LMAN2L: variants seen among roughly 807,000 people sequenced by gnomAD.
LMAN2L encodes lectin, mannose binding 2 like.
In LMAN2L, 30 loss-of-function variants were observed where a neutral mutation model predicts 44.3. The ratio of observed to expected loss-of-function variants is 0.68; its 90% CI spans 0.51 to 0.92. The LOEUF (loss-of-function observed/expected upper bound fraction) is 0.92, where lower values mean the gene tolerates loss of function less well. Ranked by LOEUF, LMAN2L falls within the 40% of genes least tolerant of loss-of-function variation. LMAN2L has a pLI of 0.00. For missense variants in LMAN2L, 429 were observed against 446.1 expected (o/e 0.96, Z 0.35); for synonymous variants, 183 against 171.1 (o/e 1.07, Z -0.54).
At chr2:96,728,921 T>C (rs1391987954) in intron 4 of LMAN2L, among the ~76,000 whole-genome samples, 3 of 151,114 alleles carry the variant, frequency 2.0e-5, no homozygotes, top group South Asian at 2.1e-4. Flanking sequence ...CCCTGTAATC[T>C]CAGCATTTTG....
intron 4 of LMAN2L, among the ~76,000 whole-genome samples, chr2:96,727,989 C>A (rs2153331330): frequency 6.6e-6 from 1 of 152,328 alleles, no homozygotes; most frequent in East Asian, 1.9e-4. Context: ...ATAATACTAT[C>A]ATCTACCCCA....
chr2:96,737,662 G>A (rs957904100), intron 2 of LMAN2L, among the ~76,000 whole-genome samples: 5 of 152,136 alleles, frequency 3.3e-5, no homozygotes, highest in Admixed American at 6.6e-5. Flanking sequence ...TTAAGCAGGA[G>A]TTAAGTTATT....
intron 2 of LMAN2L, among the ~76,000 whole-genome samples, chr2:96,737,429 T>G (rs1370174657): frequency 6.6e-6 from 1 of 152,198 alleles, no homozygotes; most frequent in East Asian, 1.9e-4. Context: ...GCAGGAGGAT[T>G]GTTTGAGACC....
intron 4 of LMAN2L, among the ~76,000 whole-genome samples, chr2:96,721,739 C>T (rs1158451488): frequency 6.6e-6 from 1 of 152,072 alleles, no homozygotes; most frequent in African/African-American, 2.4e-5. Context: ...CTTGGCCTCC[C>T]AAAGTGTTGG....
At chr2:96,725,180 G>T (rs2078243729) in intron 4 of LMAN2L, among the ~76,000 whole-genome samples, 1 of 151,930 alleles carries the variant, frequency 6.6e-6, no homozygotes, top group African/African-American at 2.4e-5. Flanking sequence ...GGATGGTCTT[G>T]ATCTCCTGAC....
At chr2:96,733,809 G>A (rs2078456442) in intron 3 of LMAN2L, among the ~76,000 whole-genome samples, 1 of 152,170 alleles carries the variant, frequency 6.6e-6, no homozygotes, top group East Asian at 1.9e-4. Context: ...GTTGTTGGAG[G>A]CAAGGGAAAG....
At chr2:96,709,816 T>C (rs1191709397) in intron 6 of LMAN2L, among the ~76,000 whole-genome samples, 2 of 152,218 alleles carry the variant, frequency 1.3e-5, no homozygotes, top group Non-Finnish European at 2.9e-5. Context: ...GGATACCCTA[T>C]GGGCAGAGAA....
At chr2:96,718,505 T>C (rs1222292376) in intron 4 of LMAN2L, among the ~76,000 whole-genome samples, 3 of 152,194 alleles carry the variant, frequency 2.0e-5, no homozygotes, top group African/African-American at 7.2e-5. Context: ...ATAAAAATAA[T>C]TAACAAAACA....
At position 96,707,148 on chromosome 2, in the gene LMAN2L, A is replaced by G. The variant is rs139788999; in HGVS notation, c.*108T>C. 3.8e-4 allele frequency: 420 copies of G among 1,091,112 alleles called. 3 individuals are homozygous for G. In the East Asian group the frequency reaches 8.1e-3, roughly 21 times the overall value. 67.6% of individuals were successfully genotyped at this position (1,091,112 alleles called of 1,614,324 possible). ...CTCCAGTGACAGAATATAGTCCCCA[A>G]CCAGCTGCTAGAGACAAGAACACTC... On this transcript the variant is annotated 3_prime_UTR_variant, in exon 8 of 8. Transcript: ENST00000264963.
At chr2:96,709,105 G>T (rs1243005014) in intron 6 of LMAN2L, among the ~76,000 whole-genome samples, 1 of 151,458 alleles carries the variant, frequency 6.6e-6, no homozygotes, top group Non-Finnish European at 1.5e-5. Flanking sequence ...TTTTTTAGTA[G>T]AGATGGGGTT....
chr2:96,739,761 G>C, intron 1 of LMAN2L, 93 bp downstream of exon 1: 1 of 1,319,432 alleles, frequency 7.6e-7, no homozygotes, highest in South Asian at 1.2e-5. Context: ...TTTCCTCCGG[G>C]CCACGAAGCC....
At chr2:96,726,488 C>T (rs78029932) in intron 4 of LMAN2L, among the ~76,000 whole-genome samples, 4,216 of 151,858 alleles carry the variant, frequency 0.028, 199 homozygotes, top group African/African-American at 0.098. Context: ...ATATGTTAGC[C>T]GTGGGTTTTT....
At chr2:96,736,216 T>C (rs1037455844) in intron 2 of LMAN2L, among the ~76,000 whole-genome samples, 1 of 152,194 alleles carries the variant, frequency 6.6e-6, no homozygotes, top group African/African-American at 2.4e-5. Flanking sequence ...TCTGAAATTC[T>C]GCCACACACT....
chr2:96,718,287 A>G (rs889134464), intron 4 of LMAN2L, among the ~76,000 whole-genome samples: 1 of 152,240 alleles, frequency 6.6e-6, no homozygotes, highest in Non-Finnish European at 1.5e-5. Context: ...TCATAAGCAC[A>G]AAATTATTAT....
At chr2:96,709,352 A>T (rs2077862024) in intron 6 of LMAN2L, among the ~76,000 whole-genome samples, 1 of 152,164 alleles carries the variant, frequency 6.6e-6, no homozygotes, top group Non-Finnish European at 1.5e-5. Flanking sequence ...GGGAAGTTCC[A>T]ACTTATAGAT....
chr2:96,738,726 C>G (rs1483298163), intron 1 of LMAN2L, among the ~76,000 whole-genome samples: 1 of 151,732 alleles, frequency 6.6e-6, no homozygotes, highest in African/African-American at 2.4e-5. Context: ...GCCTCCGGGG[C>G]TTAGTCACAT....
rs754007152 is a variant in LMAN2L, at chr2:96,738,087, C to G, written c.188-20G>C. On this transcript the variant is annotated intron_variant, in intron 1 of 7. Transcript: ENST00000264963. ...CCACACCTACAGGAAGGAAGTAGAT[C>G]AGTTCATACTTTTCAACACCAATCC... 8 of 1,549,722 alleles carry G rather than the reference C, an allele frequency of 5.2e-6. No individual in the cohort carries two copies. The highest frequency in any genetic ancestry group is 7.1e-6 in the Non-Finnish European group (8 of 1,121,556).
chr2:96,738,834 G>T (rs958875490), intron 1 of LMAN2L, among the ~76,000 whole-genome samples: 1 of 151,778 alleles, frequency 6.6e-6, no homozygotes, highest in Non-Finnish European at 1.5e-5. Flanking sequence ...TCTGCCTCCC[G>T]GGTTCACGCC....
At chr2:96,728,764 C>A (rs2078327980) in intron 4 of LMAN2L, among the ~76,000 whole-genome samples, 1 of 151,348 alleles carries the variant, frequency 6.6e-6, no homozygotes. Context: ...TCCCAGCTAC[C>A]CCAAAGGCTA....
Sources: gnomAD v4.1 joint callset for allele counts (sites outside exome capture counted in the v4.1 genomes callset) on GRCh38, gnomAD v4.1.1 for gene constraint, MANE v1.5 for transcripts, NCBI Gene and HGNC (gene_info 2026-07-23, HGNC 2026-07-21) for gene names.